Variants in METTL8 observed in about 807,000 individuals in gnomAD.
The protein encoded by METTL8 is tRNA N(3)-cytidine methyltransferase METTL8, mitochondrial.
A neutral mutation model predicts 48.7 loss-of-function variants in METTL8; 32 were observed. The ratio of observed to expected loss-of-function variants is 0.66; its 90% CI spans 0.50 to 0.88. The LOEUF (loss-of-function observed/expected upper bound fraction) is 0.88. Among genes scored for constraint, METTL8 ranks in the 40% least tolerant of loss-of-function variants. METTL8 has a pLI of 0.00. For missense variants in METTL8, 464 were observed against 474.4 expected (o/e 0.98, Z 0.20); for synonymous variants, 136 against 157.1 (o/e 0.87, Z 1.01).
intron 2 of METTL8, among the ~76,000 whole-genome samples, chr2:171,372,944 A>ACG (rs1465739967): frequency 6.6e-6 from 1 of 152,190 alleles, no homozygotes; most frequent in Admixed American, 6.5e-5. Flanking sequence ...CAATAAACAT[A>ACG]CGTGTGCATG....
intron 1 of METTL8, among the ~76,000 whole-genome samples, chr2:171,409,612 C>T (rs55792246): frequency 1.2e-3 from 179 of 152,194 alleles, no homozygotes; most frequent in Non-Finnish European, 2.3e-3. Context: ...CAAGTAGACA[C>T]GGCATAGATG....
intron 1 of METTL8, among the ~76,000 whole-genome samples, chr2:171,426,675 G>T (rs556505208): frequency 5.1e-4 from 77 of 152,294 alleles, no homozygotes; most frequent in African/African-American, 1.8e-3. Context: ...TATACTGTGT[G>T]TTCAGACACA....
rs181777907 is a variant in METTL8, at chr2:171,431,803, C to A, written c.-13+2080G>T. ...ATAGGGCTGTTAACATGCCCCTGTTCGTCAGGCTGCAGAGGGCAGATCTAA... is the reference window on the plus strand; with the variant it reads ...ATAGGGCTGTTAACATGCCCCTGTTAGTCAGGCTGCAGAGGGCAGATCTAA... On this transcript the variant is annotated intron_variant, in intron 1 of 9. Transcript: ENST00000375258. 4.6e-5 allele frequency among the ~76,000 whole-genome samples: 7 copies of A among 152,208 alleles called. No individual in the cohort carries two copies. The East Asian group carries it at 1.4e-3, about 29-fold the overall frequency.
rs1456089794 is a variant in METTL8 at position 171,318,108 on chromosome 2, T to G, written c.*6064A>C. On this transcript the variant is annotated 3_prime_UTR_variant, in exon 10 of 10. Transcript: ENST00000375258. The stretch of plus-strand genomic sequence containing the variant: ...ACATATGTTAATGAAAGACAGATTT[T>G]GGCATCCACTTTTCTCTGTAGCTTT... The G allele has an allele frequency of 6.6e-6, 1 of 152,254 alleles. No individual in the cohort carries two copies. Among genetic ancestry groups the G allele is most frequent in the East Asian group, 1.9e-4 (1 of 5,208 alleles). The allele number at this position is 152,254 out of a possible 1,614,324, so 9.4% of individuals were successfully genotyped here.
At chr2:171,325,950 T>A (rs1458941092) in intron 8 of METTL8, 44 bp from the exon 9 acceptor site, 169 of 1,347,126 alleles carry the variant, frequency 1.3e-4, no homozygotes, top group Middle Eastern at 1.9e-4. Flanking sequence ...GGTATTCCTT[T>A]AAAAAAAAAC....
intron 1 of METTL8, among the ~76,000 whole-genome samples, chr2:171,400,353 C>T (rs1689524512): frequency 2.0e-5 from 3 of 152,138 alleles, no homozygotes; most frequent in Admixed American, 6.6e-5. Flanking sequence ...TACTTTTGTA[C>T]ACCACATATA....
In METTL8 at chr2:171,340,658, A is replaced by C. The variant is rs895166432; in HGVS notation, c.236-1104T>G. 3.3e-5 allele frequency among the ~76,000 whole-genome samples: 5 copies of C among 152,218 alleles called. No homozygotes were observed. The East Asian group carries it at 9.6e-4, about 29-fold the overall frequency. Reference sequence around the variant, plus strand: ...AATGCAAATTGGTGATCAGACAGGAAATTTCAAAATTATAAACAACATAAT... The same window carrying C: ...AATGCAAATTGGTGATCAGACAGGACATTTCAAAATTATAAACAACATAAT... On this transcript the variant is annotated intron_variant, in intron 3 of 9. Coordinates refer to ENST00000375258, the MANE Select transcript of METTL8 (RefSeq NM_001321154.2).
intron 2 of METTL8, among the ~76,000 whole-genome samples, chr2:171,368,250 A>T (rs13388963): frequency 0.057 from 8,701 of 152,264 alleles, 263 homozygotes; most frequent in African/African-American, 0.082. Flanking sequence ...CTTCTTACTG[A>T]AGTACAATGG....
chr2:171,355,708 G>C lies in METTL8; in HGVS notation c.235+4714C>G, dbSNP rs555920593. ...CAGCCTCGCTGCCACCTTGCAGTTC[G>C]ATCTCAGACTGCTGTGCTAGCAATG... On this transcript the variant is annotated intron_variant, in intron 3 of 9. Transcript: ENST00000375258. 2.6e-5 allele frequency among the ~76,000 whole-genome samples: 4 copies of C among 152,318 alleles called. No homozygotes were observed. In the East Asian group the frequency reaches 5.8e-4, roughly 22 times the overall value.
At chr2:171,340,224 T>C (rs1575759436) in intron 3 of METTL8, among the ~76,000 whole-genome samples, 3 of 124,734 alleles carry the variant, frequency 2.4e-5, no homozygotes, top group African/African-American at 6.2e-5. Context: ...GAATGAGGGC[T>C]GGGCACGGTG....
chr2:171,429,110 AT>A (rs1692711122), intron 1 of METTL8, among the ~76,000 whole-genome samples: 1 of 150,966 alleles, frequency 6.6e-6, no homozygotes, highest in South Asian at 2.1e-4. Flanking sequence ...TTTCAATTTG[AT>A]AAAAATCTTT....
chr2:171,370,090 A>C (rs1686161200), intron 2 of METTL8, among the ~76,000 whole-genome samples: 2 of 152,058 alleles, frequency 1.3e-5, no homozygotes. Flanking sequence ...TATTCAATTT[A>C]TCCAAAAGCA....
chr2:171,376,375 G>A (rs1686963942), intron 2 of METTL8, among the ~76,000 whole-genome samples: 1 of 151,936 alleles, frequency 6.6e-6, no homozygotes, highest in African/African-American at 2.4e-5. Flanking sequence ...TTATCATAAA[G>A]GGCATCCAAA....
chr2:171,383,035 C>T (rs1687720968), intron 2 of METTL8, among the ~76,000 whole-genome samples: 1 of 152,114 alleles, frequency 6.6e-6, no homozygotes, highest in South Asian at 2.1e-4. Context: ...GATCGAGCCA[C>T]TGCACTCCAG....
At chr2:171,429,092 C>T (rs796260159) in intron 1 of METTL8, among the ~76,000 whole-genome samples, 1 of 151,606 alleles carries the variant, frequency 6.6e-6, no homozygotes. Flanking sequence ...GTAGGAGAAA[C>T]CTTTCATTTT....
At chr2:171,417,672 T>G (rs1574216709) in intron 1 of METTL8, among the ~76,000 whole-genome samples, 1 of 152,250 alleles carries the variant, frequency 6.6e-6, no homozygotes, top group Non-Finnish European at 1.5e-5. Context: ...TATCCCTATA[T>G]AGTGGTGTCT....
At chr2:171,336,802 G>C (rs1001056172) in intron 5 of METTL8, among the ~76,000 whole-genome samples, 6 of 151,002 alleles carry the variant, frequency 4.0e-5, no homozygotes, top group African/African-American at 9.7e-5. Flanking sequence ...TATCTAGGGA[G>C]AGTAAATAAT....
chr2:171,327,365 A>C (rs1685062154), intron 7 of METTL8, among the ~76,000 whole-genome samples: 3 of 152,238 alleles, frequency 2.0e-5, no homozygotes, highest in Admixed American at 2.0e-4. Flanking sequence ...CAGAGCTCTG[A>C]GAAGGACTCA....
At chr2:171,422,854 T>C (rs1692010087) in intron 1 of METTL8, among the ~76,000 whole-genome samples, 1 of 152,312 alleles carries the variant, frequency 6.6e-6, no homozygotes, top group African/African-American at 2.4e-5. Flanking sequence ...GCTAATAGGA[T>C]AGAAATTGCT....
Sources: gnomAD v4.1 joint callset for allele counts (sites outside exome capture counted in the v4.1 genomes callset) on GRCh38, gnomAD v4.1.1 for gene constraint, MANE v1.5 for transcripts, NCBI Gene and HGNC (gene_info 2026-07-23, HGNC 2026-07-21) for gene names.